Variants in CDH7 observed in about 807,000 individuals in gnomAD.
The protein encoded by CDH7 is cadherin 7.
CDH7 carries 25 observed loss-of-function variants against 71.8 expected under a neutral mutation model. The observed-to-expected ratio is 0.35, with a 90% CI of 0.25 to 0.49. CDH7 has a LOEUF of 0.49. Ranked by LOEUF, CDH7 falls within the 20% of genes least tolerant of loss-of-function variation. CDH7 has a pLI of 0.99. For missense variants in CDH7, 862 were observed against 974.6 expected (o/e 0.88, Z 1.54); for synonymous variants, 381 against 363.8 (o/e 1.05, Z -0.54).
chr18:65,771,192 A>C (rs1004778112), intron 2 of CDH7, among the ~76,000 whole-genome samples: 7 of 152,164 alleles, frequency 4.6e-5, no homozygotes, highest in African/African-American at 1.7e-4. Context: ...TCAGTTTATG[A>C]ATTCTGAAAG....
intron 7 of CDH7, among the ~76,000 whole-genome samples, chr18:65,851,568 G>A (rs1040416902): frequency 1.3e-5 from 2 of 152,136 alleles, no homozygotes; most frequent in East Asian, 1.9e-4. Flanking sequence ...ATAATCACCG[G>A]TATTCATTAA....
At chr18:65,767,723 A>G (rs1916418707) in intron 2 of CDH7, among the ~76,000 whole-genome samples, 1 of 152,206 alleles carries the variant, frequency 6.6e-6, no homozygotes, top group Non-Finnish European at 1.5e-5. Context: ...GGTGATTTCA[A>G]AAGGAATTTG....
In CDH7 at chr18:65,880,558, C is replaced by G. The variant is rs560679880; in HGVS notation, c.2022C>G (p.Leu674=). Residue 674 remains leucine, a synonymous_variant, in exon 12 of 12, where the codon CTC becomes CTG. Transcript: ENST00000397968. ...TTGACATGGCTGCACTGAGAAACCT[C>G]AACGTCATCCGAGACACCAAGACCC... ...EAFDMAALRN[L]NVIRDTKTRR... 3.7e-6 allele frequency: 6 copies of G among 1,613,868 alleles called. No individual in the cohort carries two copies. The African/African-American group carries it at 6.7e-5, about 18-fold the overall frequency.
At chr18:65,819,974 G>A (rs1275415734) in intron 4 of CDH7, among the ~76,000 whole-genome samples, 1 of 145,722 alleles carries the variant, frequency 6.9e-6, no homozygotes, top group African/African-American at 2.5e-5. Flanking sequence ...GCTATCGTCT[G>A]TTACATGAGG....
At chr18:65,777,214 G>A (rs1427811501) in intron 2 of CDH7, among the ~76,000 whole-genome samples, 1 of 152,088 alleles carries the variant, frequency 6.6e-6, no homozygotes, top group Non-Finnish European at 1.5e-5. Flanking sequence ...TTCCTGCAGT[G>A]TAATTCTGCA....
chr18:65,880,940 AAAAAT>A lies in CDH7; in HGVS notation c.*57_*61del. On this transcript the variant is annotated 3_prime_UTR_variant, in exon 12 of 12. Coordinates refer to ENST00000397968, the MANE Select transcript of CDH7 (RefSeq NM_004361.5). ...ATGTACTGAAGAAAAAGTAACAGCA[AAAAAT>A]AAAATAAAATGAAATAAAATAATAA... is the stretch of plus-strand genomic sequence containing the variant. 1 of 1,517,904 alleles carries A rather than the reference AAAAAT, an allele frequency of 6.6e-7. No individual in the cohort carries two copies. Among genetic ancestry groups the A allele is most frequent in the African/African-American group, 1.4e-5 (1 of 71,608 alleles). 94.0% of individuals were successfully genotyped at this position (1,517,904 alleles called of 1,614,324 possible).
At chr18:65,827,946 TG>T (rs2143951088) in intron 6 of CDH7, among the ~76,000 whole-genome samples, 1 of 152,020 alleles carries the variant, frequency 6.6e-6, no homozygotes, top group South Asian at 2.1e-4. Flanking sequence ...TGGAAATAAA[TG>T]AAAACAAAAT....
intron 4 of CDH7, among the ~76,000 whole-genome samples, chr18:65,818,724 TCA>T (rs1911810518): frequency 2.0e-5 from 3 of 152,308 alleles, no homozygotes; most frequent in African/African-American, 7.2e-5. Flanking sequence ...TAGGGAATAA[TCA>T]CACAGAAATA....
At chr18:65,852,489 C>A (rs575158396) in intron 7 of CDH7, among the ~76,000 whole-genome samples, 1 of 152,040 alleles carries the variant, frequency 6.6e-6, no homozygotes, top group Admixed American at 6.6e-5. Context: ...CACTTGTCAC[C>A]GCTTATTTAC....
At chr18:65,805,506 C>G (rs1911283763) in intron 2 of CDH7, among the ~76,000 whole-genome samples, 1 of 152,176 alleles carries the variant, frequency 6.6e-6, no homozygotes, top group Non-Finnish European at 1.5e-5. Flanking sequence ...GGTGAGCATG[C>G]TGAAAAGGCC....
intron 6 of CDH7, among the ~76,000 whole-genome samples, chr18:65,837,844 T>C (rs1912585116): frequency 6.6e-6 from 1 of 152,178 alleles, no homozygotes; most frequent in Admixed American, 6.5e-5. Context: ...TACAGAATTA[T>C]TCCTGCTTTT....
rs1379452688 is a variant in CDH7 at position 65,888,368 on chromosome 18, T to C, written c.*7474T>C. On this transcript the variant is annotated 3_prime_UTR_variant, in exon 12 of 12. Coordinates refer to ENST00000397968, the MANE Select transcript of CDH7 (RefSeq NM_004361.5). ...AAGAAAAAATTATCACAGAGTAAGA[T>C]ACATAGAAGAAAATAATTTCCGCAA... The C allele has an allele frequency of 1.3e-5, 2 of 152,088 alleles. No homozygotes were observed. Among genetic ancestry groups the C allele is most frequent in the Admixed American group, 6.6e-5 (1 of 15,252 alleles). 9.4% of individuals were successfully genotyped at this position (152,088 alleles called of 1,614,324 possible).
intron 11 of CDH7, chr18:65,863,890 T>A (rs993833550): frequency 1.3e-5 from 2 of 152,188 alleles, no homozygotes; most frequent in African/African-American, 4.8e-5. Context: ...AACATTTTTC[T>A]TCACATTGTA....
At chr18:65,840,802 C>G (rs544842543) in intron 6 of CDH7, among the ~76,000 whole-genome samples, 1 of 152,050 alleles carries the variant, frequency 6.6e-6, no homozygotes, top group East Asian at 1.9e-4. Context: ...AGTGAGAAAA[C>G]GAACTAGTAC....
chr18:65,778,529 C>CTTTTCTTTTTTTT (rs1910046462), intron 2 of CDH7, among the ~76,000 whole-genome samples: 1 of 84,340 alleles, frequency 1.2e-5, no homozygotes, highest in African/African-American at 4.4e-5. Flanking sequence ...GCGTCTCACT[C>CTTTTCTTTTTTTT]TTTTTTTTTT....
chr18:65,799,846 C>CCT (rs150389613), intron 2 of CDH7, among the ~76,000 whole-genome samples: 2,569 of 151,950 alleles, frequency 0.017, 29 homozygotes, highest in Admixed American at 0.026. Context: ...AATTGTTTGC[C>CCT]CTCTCTCTCT....
At chr18:65,821,963 GTAAACAAAACA>G in intron 4 of CDH7, 107 bp from the exon 5 acceptor site, 1 of 723,958 alleles carries the variant, frequency 1.4e-6, no homozygotes, top group Non-Finnish European at 2.4e-6. Context: ...ATTATTTAAA[GTAAACAAAACA>G]ACAAAAGGCA....
At chr18:65,878,772 G>A (rs1914139040) in intron 11 of CDH7, among the ~76,000 whole-genome samples, 1 of 152,126 alleles carries the variant, frequency 6.6e-6, no homozygotes, top group African/African-American at 2.4e-5. Context: ...GTAAACAGGA[G>A]CAAAAAGAAA....
chr18:65,790,121 T>C (rs900525777), intron 2 of CDH7, among the ~76,000 whole-genome samples: 2 of 148,746 alleles, frequency 1.3e-5, no homozygotes, highest in African/African-American at 5.0e-5. Flanking sequence ...TCCCAGGTGC[T>C]GAGGCAGGAG....
Sources: allele counts gnomAD v4.1 joint callset (sites outside exome capture counted in the v4.1 genomes callset), GRCh38; gene constraint gnomAD v4.1.1; transcripts MANE v1.5; gene names NCBI Gene and HGNC (gene_info 2026-07-23, HGNC 2026-07-21).